The following AIFM3 variants were observed in gnomAD, a reference collection of about 807,000 sequenced individuals.
The protein encoded by AIFM3 is AIF family member 3, also known as apoptosis-inducing factor 3.
A neutral mutation model predicts 82.7 loss-of-function variants in AIFM3; 71 were observed. The ratio of observed to expected loss-of-function variants is 0.86; its 90% CI spans 0.71 to 1.05. The LOEUF is 1.05. Among genes scored for constraint, AIFM3 ranks in the 50% least tolerant of loss-of-function variants. AIFM3 has a pLI of 0.00. For missense variants in AIFM3, 748 were observed against 816.7 expected (o/e 0.92, Z 1.03); for synonymous variants, 337 against 329.1 (o/e 1.02, Z -0.26).
rs746710103 is a variant in AIFM3, at chr22:20,977,058, C to T, written c.1245C>T (p.Ser415=). The change falls in exon 14 of 21, where the codon AGC becomes AGT. Residue 415 remains serine, a synonymous_variant. Coordinates refer to ENST00000440238, the MANE Select transcript of AIFM3 (RefSeq NM_001386814.1). ...GKLKEVVLKS[S]KVVRADVCVV... ...TGAAGGAGGTTGTGCTGAAGAGCAGCAAGGTCGTGCGGGCTGACGTCTGCG... is the reference window on the plus strand; with the variant it reads ...TGAAGGAGGTTGTGCTGAAGAGCAGTAAGGTCGTGCGGGCTGACGTCTGCG... 3.7e-6 allele frequency: 6 copies of T among 1,614,196 alleles called. No homozygotes were observed. In the Admixed American group the frequency reaches 1.0e-4, roughly 27 times the overall value.
chr22:20,979,311 G>A lies in AIFM3; in HGVS notation c.1518G>A (p.Glu506=), dbSNP rs767047735. Residue 506 remains glutamate, a synonymous_variant, in exon 17 of 21, where the codon GAG becomes GAA. Transcript: ENST00000440238. Reference sequence around the variant, plus strand: ...AGAACATGTTGGCGCAGGAGGCGGAGATGAGCACTGTGCCCTACCTCTGGA... The same window carrying A: ...AGAACATGTTGGCGCAGGAGGCGGAAATGAGCACTGTGCCCTACCTCTGGA... ...AAQNMLAQEA[E]MSTVPYLWTA... 2 of 1,560,932 alleles carry A rather than the reference G, an allele frequency of 1.3e-6. No homozygotes were observed. Among genetic ancestry groups the A allele is most frequent in the East Asian group, 2.4e-5 (1 of 41,706 alleles).
chr22:20,969,019 C>G (rs1923099979), intron 2 of AIFM3, among the ~76,000 whole-genome samples: 1 of 152,254 alleles, frequency 6.6e-6, no homozygotes, highest in Non-Finnish European at 1.5e-5. Context: ...CGCTCCTGTG[C>G]TGTGGACACC....
intron 18 of AIFM3, 57 bp downstream of exon 18, chr22:20,979,759 G>T (rs1233649410): frequency 4.4e-6 from 7 of 1,596,744 alleles, no homozygotes; most frequent in Non-Finnish European, 6.0e-6. Flanking sequence ...TCGGGAAGGG[G>T]GATTCATCCC....
rs1923954358 is a variant in AIFM3, at chr22:20,979,644, G to A, written c.1594G>A (p.Asp532Asn). ...GCCCACAGGCTACGGAGAAGGCTTC[G>A]ACGACGTCATCATCCAGGGGGATCT... ...LRYAGYGEGF[D>N]DVIIQGDLEE... The change falls in exon 18 of 21, where the codon GAC (aspartate) becomes AAC (asparagine). Residue 532 changes from aspartate to asparagine, a missense_variant. Coordinates refer to ENST00000440238, the MANE Select transcript of AIFM3 (RefSeq NM_001386814.1). 1.2e-6 allele frequency: 2 copies of A among 1,614,100 alleles called. No individual in the cohort carries two copies. Among genetic ancestry groups the A allele is most frequent in the Non-Finnish European group, 1.7e-6 (2 of 1,180,052 alleles).
At chr22:20,980,856 G>C (rs1924064863) in intron 20 of AIFM3, 89 bp downstream of exon 20, 1 of 1,610,260 alleles carries the variant, frequency 6.2e-7, no homozygotes, top group South Asian at 1.1e-5. Context: ...CTCTGTCCAA[G>C]TACACCTCCC....
rs1307537548 is a variant in AIFM3, at chr22:20,979,707, G to A, written c.1652+5G>A. The A allele has an allele frequency of 6.2e-7, 1 of 1,614,088 alleles. No homozygotes were observed. Among genetic ancestry groups the A allele is most frequent in the Non-Finnish European group, 8.5e-7 (1 of 1,180,040 alleles). The stretch of plus-strand genomic sequence containing the variant: ...GTTTGTGGCTTTTTACACTAAGTGA[G>A]AGCACCGGGGTGCAGCTTGGCGCGA... On this transcript the variant is annotated splice_donor_5th_base_variant and intron_variant, in intron 18 of 20. Coordinates refer to ENST00000440238, the MANE Select transcript of AIFM3 (RefSeq NM_001386814.1).
rs1924090010 is a variant in AIFM3, at chr22:20,981,115, C to G, written c.*84C>G. 2.5e-6 allele frequency: 4 copies of G among 1,568,718 alleles called. No individual in the cohort carries two copies. The highest frequency in any genetic ancestry group is 3.5e-6 in the Non-Finnish European group (4 of 1,150,898). ...TGGGGGCAGGTGCCAATCTCCAGTC[C>G]CAGGATCCCCCAGGGCAGAACCTGA... On this transcript the variant is annotated 3_prime_UTR_variant, in exon 21 of 21. Transcript: ENST00000440238.
intron 3 of AIFM3, 97 bp downstream of exon 3, chr22:20,973,617 A>G (rs1171632954): frequency 8.4e-6 from 12 of 1,421,772 alleles, no homozygotes; most frequent in Non-Finnish European, 1.1e-5. Flanking sequence ...TGAAGGGGCT[A>G]TGACCAGCTG....
At chr22:20,973,986 C>T (rs1923451156) in intron 4 of AIFM3, 77 bp from the exon 5 acceptor site, 6 of 1,505,190 alleles carry the variant, frequency 4.0e-6, no homozygotes, top group Admixed American at 2.0e-5. Context: ...GGGGAGGGGC[C>T]CGCAGTTGCC....
In AIFM3 at chr22:20,975,478, C is replaced by T. The variant is rs940323396; in HGVS notation, c.721-214C>T. On this transcript the variant is annotated intron_variant, in intron 8 of 20. Transcript: ENST00000440238. Reference sequence around the variant, plus strand: ...AATGAGGTCATTTTTGTCATGCTGCCCAGGCTGGTCTTGAACTCCTGGTTC... The same window carrying T: ...AATGAGGTCATTTTTGTCATGCTGCTCAGGCTGGTCTTGAACTCCTGGTTC... Among the ~76,000 whole-genome samples, 8 of 152,130 alleles carry T rather than the reference C, an allele frequency of 5.3e-5. No individual in the cohort carries two copies. In the South Asian group the frequency reaches 1.5e-3, roughly 28 times the overall value.
At chr22:20,966,023 G>A (rs2147930699), upstream of AIFM3, among the ~76,000 whole-genome samples, 1 of 152,294 alleles carries the variant, frequency 6.6e-6, no homozygotes, top group East Asian at 1.9e-4. Flanking sequence ...CTTTGAGTGG[G>A]GTGACTGGGC....
chr22:20,973,388 G>C lies in AIFM3; in HGVS notation c.113G>C (p.Arg38Pro). Residue 38 changes from arginine to proline, a missense_variant, in exon 3 of 21, where the codon CGG becomes CCG. Physicochemically the swap from Arg to Pro is moderately radical, Grantham distance 103. Coordinates refer to ENST00000440238, the MANE Select transcript of AIFM3 (RefSeq NM_001386814.1). The part of the protein sequence containing the change: ...ELSASGKGSP[R>P]AYQGNGTARH... ...TCGGCCAGTGGGAAGGGCAGCCCCCGGGCCTACCAGGGCAATGGCACGGCC... is the reference window on the plus strand; with the variant it reads ...TCGGCCAGTGGGAAGGGCAGCCCCCCGGCCTACCAGGGCAATGGCACGGCC... 6.2e-7 allele frequency: 1 copy of C among 1,610,928 alleles called. No homozygotes were observed. The highest frequency in any genetic ancestry group is 8.5e-7 in the Non-Finnish European group (1 of 1,179,322).
chr22:20,979,940 G>C (rs1923977592), intron 18 of AIFM3, 80 bp from the exon 19 acceptor site: 7 of 1,378,816 alleles, frequency 5.1e-6, no homozygotes, highest in Middle Eastern at 1.8e-4. Context: ...CTGGGCCCCA[G>C]ATGGACAGCA....
chr22:20,965,707 A>C (rs1355250954), upstream of AIFM3, among the ~76,000 whole-genome samples: 1 of 152,020 alleles, frequency 6.6e-6, no homozygotes, highest in Non-Finnish European at 1.5e-5. Context: ...CCTTGGGATG[A>C]GGCAGTGGGG....
At chr22:20,975,540 G>C in intron 8 of AIFM3, 152 bp from the exon 9 acceptor site, 1 of 711,160 alleles carries the variant, frequency 1.4e-6, no homozygotes, top group Non-Finnish European at 2.5e-6. Context: ...AAAGTGTTGG[G>C]ATCACAGGCA....
rs1257657037 is a variant in AIFM3, at chr22:20,973,492, T to C, written c.217T>C (p.Cys73Arg). Reference protein sequence around the residue: ...SPQDCVEAAVCHVKDLENGQM... With the variant: ...SPQDCVEAAVRHVKDLENGQM... ...TCAGGATTGCGTGGAGGCTGCTGTC[T>C]GCCACGTCAAGGACCTCGAGAATGG... The change falls in exon 3 of 21, where the codon TGC (cysteine) becomes CGC (arginine). Residue 73 changes from cysteine (C) to arginine (R), a missense_variant. By Grantham distance (180) the Cys-to-Arg change is radical. This residue lies in a region of AIFM3 where 148 missense variants were observed against 134.1 expected (regional missense o/e 1.10). Transcript: ENST00000440238. 4 of 1,612,620 alleles carry C rather than the reference T, an allele frequency of 2.5e-6. No homozygotes were observed. Among genetic ancestry groups the C allele is most frequent in the Non-Finnish European group, 3.4e-6 (4 of 1,179,928 alleles).
At position 20,980,135 on chromosome 22, in the gene AIFM3, G is replaced by C. The variant is rs376791624; in HGVS notation, c.1757+11G>C. 40 of 1,604,584 alleles carry C rather than the reference G, an allele frequency of 2.5e-5. No homozygotes were observed. The highest frequency in any genetic ancestry group is 3.3e-5 in the Non-Finnish European group (39 of 1,179,724). ...GAAGCGGGAGGTGGAGTGAGTGTGG[G>C]TGTGGGAAGCCTGGGGGTGGGAGTA... On this transcript the variant is annotated intron_variant, in intron 19 of 20. Transcript: ENST00000440238.
chr22:20,980,963 C>G, intron 20 of AIFM3, 29 bp from the exon 21 acceptor site: 1 of 1,614,180 alleles, frequency 6.2e-7, no homozygotes, highest in Middle Eastern at 1.6e-4. Context: ...TTTCTTCTGT[C>G]TTGACCCCTC....
intron 2 of AIFM3, among the ~76,000 whole-genome samples, chr22:20,971,215 C>A (rs1419635624): frequency 6.6e-6 from 1 of 151,278 alleles, no homozygotes; most frequent in African/African-American, 2.5e-5. Flanking sequence ...CAAAGTATTT[C>A]TCTTTTTAAT....
Sources: allele counts gnomAD v4.1 joint callset (sites outside exome capture counted in the v4.1 genomes callset), GRCh38; gene constraint gnomAD v4.1.1; regional missense constraint gnomAD v4.1.1; transcripts MANE v1.5; gene names NCBI Gene and HGNC (gene_info 2026-07-23, HGNC 2026-07-21).